Variants in CCT8 observed in about 807,000 individuals in gnomAD.
CCT8 encodes the protein chaperonin containing TCP1 subunit 8, also known as T-complex protein 1 subunit theta.
In CCT8, 10 loss-of-function variants were observed where a neutral mutation model predicts 65.7. The ratio of observed to expected loss-of-function variants is 0.15; its 90% CI spans 0.09 to 0.26. The LOEUF is 0.26. CCT8 is among the 10% of genes least tolerant of loss of function. The pLI, the probability that CCT8 is intolerant of heterozygous loss-of-function variation, is 1.00. For synonymous variants in CCT8, 199 were observed against 221.8 expected, an observed-to-expected ratio of 0.90 and a Z score of 0.92; for missense variants, 568 against 669.1, an observed-to-expected ratio of 0.85 and a Z score of 1.67.
In CCT8 at chr21:29,067,675, T is replaced by G. The variant is rs764946341; in HGVS notation, c.262A>C (p.Met88Leu). ...VQHPAAKMIV[M>L]ASHMQEQEVG... ...TCTTGCTCTTGCATATGAGAAGCCA[T>G]TACAATCATTTTTGCAGCAGGATGC... The change falls in exon 4 of 15, where the codon ATG becomes CTG. Residue 88 changes from methionine (M) to leucine (L), a missense_variant. Coordinates refer to ENST00000286788, the MANE Select transcript of CCT8 (RefSeq NM_006585.4). 2 of 1,361,794 alleles carry G rather than the reference T, an allele frequency of 1.5e-6. No homozygotes were observed. The highest frequency in any genetic ancestry group is 5.9e-5 in the Admixed American group (2 of 33,628). 84.4% of individuals were successfully genotyped at this position (1,361,794 alleles called of 1,614,324 possible).
chr21:29,063,363 G>T lies in CCT8; in HGVS notation c.930C>A (p.Ile310=), dbSNP rs1309732224. 3 of 1,611,382 alleles carry T rather than the reference G, an allele frequency of 1.9e-6. No homozygotes were observed. The South Asian group carries it at 3.3e-5, about 18-fold the overall frequency. Residue 310 remains isoleucine (I), a synonymous_variant, in exon 8 of 15, where the codon ATC becomes ATA. Coordinates refer to ENST00000286788, the MANE Select transcript of CCT8 (RefSeq NM_006585.4). ...MALHYANKYN[I]MLVRLNSKWD... Reference sequence around the variant, plus strand: ...CGGCTTTTTCTTACCTCACTAACATGATATTATATTTATTTGCATAATGAA... The same window carrying T: ...CGGCTTTTTCTTACCTCACTAACATTATATTATATTTATTTGCATAATGAA...
intron 14 of CCT8, among the ~76,000 whole-genome samples, chr21:29,059,183 G>A (rs899809331): frequency 7.2e-5 from 11 of 152,320 alleles, no homozygotes; most frequent in Admixed American, 5.9e-4. Context: ...AATCCAGTCC[G>A]TACTACACTA....
chr21:29,060,595 A>C lies in CCT8; in HGVS notation c.1515T>G (p.Tyr505Ter). Residue 505 changes from tyrosine (Y) to a stop codon, truncating the protein, a stop_gained, in exon 14 of 15, where the codon TAT becomes TAG. Transcript: ENST00000286788. LOFTEE classifies it high-confidence loss of function. ...CATTAGTAGCGAGTTTGATAGCCCA[A>C]TATTTTCCCAGGTAAGTATCTAGAA... ...AGILDTYLGK[Y>*]WAIKLATNAA... 1 of 1,613,950 alleles carries C rather than the reference A, an allele frequency of 6.2e-7. No individual in the cohort carries two copies. The highest frequency in any genetic ancestry group is 8.5e-7 in the Non-Finnish European group (1 of 1,179,846).
chr21:29,060,198 T>C (rs2085547758), intron 14 of CCT8: 1 of 162,644 alleles, frequency 6.1e-6, no homozygotes, highest in Non-Finnish European at 1.3e-5. Context: ...AGTCCTCTTA[T>C]CTGCAGACAG....
intron 14 of CCT8, among the ~76,000 whole-genome samples, chr21:29,059,119 C>CT (rs1342610270): frequency 6.6e-6 from 1 of 152,168 alleles, no homozygotes; most frequent in Non-Finnish European, 1.5e-5. Flanking sequence ...GATGTTGATA[C>CT]TATTTTGGGA....
intron 8 of CCT8, among the ~76,000 whole-genome samples, 188 bp downstream of exon 8, chr21:29,063,164 C>T (rs1376787438): frequency 6.6e-6 from 1 of 152,202 alleles, no homozygotes; most frequent in Non-Finnish European, 1.5e-5. Context: ...TCTTCAAGCT[C>T]TCAGCTTAAA....
Position 29,061,515 on chromosome 21 carries a change from T to C in CCT8, c.1265A>G (p.Gln422Arg). The change falls in exon 12 of 15, where the codon CAG becomes CGG. Residue 422 changes from glutamine to arginine, a missense_variant. Gln to Arg is a conservative substitution (Grantham distance 43, BLOSUM62 1). Coordinates refer to ENST00000286788, the MANE Select transcript of CCT8 (RefSeq NM_006585.4). The stretch of plus-strand genomic sequence containing the variant: ...CTGTACCTCTCCATATGATGTGATC[T>C]GTTTGGCTAATTCAATTTCTGTTGC... Reference protein sequence around the residue: ...GGATEIELAKQITSYGETCPG... With the variant: ...GGATEIELAKRITSYGETCPG... 6.2e-7 allele frequency: 1 copy of C among 1,614,046 alleles called. No individual in the cohort carries two copies. Among genetic ancestry groups the C allele is most frequent in the Non-Finnish European group, 8.5e-7 (1 of 1,179,928 alleles).
chr21:29,059,481 AAC>A, intron 14 of CCT8: 1 of 152,316 alleles, frequency 6.6e-6, no homozygotes, highest in East Asian at 1.9e-4. Flanking sequence ...CAAAGTTCCT[AAC>A]ACAGTTGGAA....
chr21:29,057,732 TGATA>T (rs1000436936), intron 14 of CCT8, among the ~76,000 whole-genome samples: 8 of 87,458 alleles, frequency 9.1e-5, no homozygotes, highest in African/African-American at 2.5e-4. Context: ...CATATATGTA[TGATA>T]TATATATCAT....
chr21:29,065,985 G>C (rs780535282), intron 6 of CCT8, among the ~76,000 whole-genome samples: 1 of 151,620 alleles, frequency 6.6e-6, no homozygotes, highest in Non-Finnish European at 1.5e-5. Flanking sequence ...GGGAGGTTGA[G>C]GCAGGAAAAC....
chr21:29,072,670 T>G (rs542604585), intron 1 of CCT8, among the ~76,000 whole-genome samples: 9 of 152,358 alleles, frequency 5.9e-5, no homozygotes, highest in African/African-American at 2.2e-4. Flanking sequence ...AAACCTTAAA[T>G]TCAACCACAC....
At chr21:29,060,482 A>T in intron 14 of CCT8, 59 bp downstream of exon 14, 1 of 1,545,332 alleles carries the variant, frequency 6.5e-7, no homozygotes, top group Non-Finnish European at 8.9e-7. Context: ...CTGGGAAAAT[A>T]TACTATTAAA....
At chr21:29,060,498 T>G in intron 14 of CCT8, 43 bp downstream of exon 14, 2 of 1,595,114 alleles carry the variant, frequency 1.3e-6, no homozygotes, top group Non-Finnish European at 1.7e-6. Context: ...TTAAACAGTA[T>G]GCAAATGAGT....
chr21:29,063,375 A>G lies in CCT8; in HGVS notation c.918T>C (p.Asn306=), dbSNP rs762467646. 3 of 1,613,242 alleles carry G rather than the reference A, an allele frequency of 1.9e-6. No homozygotes were observed. In the South Asian group the frequency reaches 3.3e-5, roughly 18 times the overall value. ...ACCTCACTAACATGATATTATATTT[A>G]TTTGCATAATGAAGAGCCATGTCTG... ...KVADMALHYA[N]KYNIMLVRLN... The change falls in exon 8 of 15, where the codon AAT becomes AAC. Residue 306 remains asparagine (N), a synonymous_variant. Coordinates refer to ENST00000286788, the MANE Select transcript of CCT8 (RefSeq NM_006585.4).
At chr21:29,061,658 G>T in intron 11 of CCT8, 91 bp from the exon 12 acceptor site, 1 of 1,213,826 alleles carries the variant, frequency 8.2e-7, no homozygotes, top group Non-Finnish European at 1.2e-6. Flanking sequence ...TCACATTCCA[G>T]TACCCCACCA....
intron 1 of CCT8, among the ~76,000 whole-genome samples, chr21:29,072,713 GAC>G (rs1230595191): frequency 1.3e-5 from 2 of 152,272 alleles, no homozygotes; most frequent in South Asian, 2.1e-4. Flanking sequence ...AAATCTGGAG[GAC>G]ACACAGAGGA....
At chr21:29,064,636 C>T (rs2085601617) in intron 7 of CCT8, among the ~76,000 whole-genome samples, 1 of 152,058 alleles carries the variant, frequency 6.6e-6, no homozygotes, top group Non-Finnish European at 1.5e-5. Context: ...ATTAGCTTAT[C>T]TTGTTTTAGG....
rs754814425 is a variant in CCT8, at chr21:29,069,508, A to C, written c.152-6T>G. 20 of 1,529,176 alleles carry C rather than the reference A, an allele frequency of 1.3e-5. No homozygotes were observed. The South Asian group carries it at 2.6e-4, about 20-fold the overall frequency. The allele number at this position is 1,529,176 out of a possible 1,614,324, so 94.7% of individuals were successfully genotyped here. ...GATAACCATTTTGTTCATTCCTCAA[A>C]AGTAACAGTTAAAAAAAGAAAAAGA... On this transcript the variant is annotated splice_region_variant and splice_polypyrimidine_tract_variant and intron_variant, in intron 2 of 14. Transcript: ENST00000286788.
In CCT8 at chr21:29,065,092, C is replaced by A; in HGVS notation, c.638G>T (p.Ser213Ile). The change falls in exon 7 of 15, where the codon AGT (serine) becomes ATT (isoleucine). Residue 213 changes from serine to isoleucine, a missense_variant. By Grantham distance (142) the Ser-to-Ile change is moderately radical. Coordinates refer to ENST00000286788, the MANE Select transcript of CCT8 (RefSeq NM_006585.4). Reference protein sequence around the residue: ...RVCKILGSGISSSSVLHGMVF... With the variant: ...RVCKILGSGIISSSVLHGMVF... ...CATGCCATGCAATACTGAAGAGGAA[C>A]TGATACCAGAGCCCTAAGGAATTGA... 6.2e-7 allele frequency: 1 copy of A among 1,613,976 alleles called. No homozygotes were observed. The highest frequency in any genetic ancestry group is 8.5e-7 in the Non-Finnish European group (1 of 1,179,940).
Sources: allele counts gnomAD v4.1 joint callset (sites outside exome capture counted in the v4.1 genomes callset), GRCh38; gene constraint gnomAD v4.1.1; transcripts MANE v1.5; gene names NCBI Gene and HGNC (gene_info 2026-07-23, HGNC 2026-07-21).